The following LAMA2 variants were observed in gnomAD, a reference collection of about 807,000 sequenced individuals.
LAMA2 encodes laminin subunit alpha-2.
LAMA2 carries 269 observed loss-of-function variants against 364.8 expected under a neutral mutation model. The observed-to-expected ratio is 0.74, with a 90% CI of 0.67 to 0.82. LAMA2 has a LOEUF of 0.82. Among genes scored for constraint, LAMA2 ranks in the 40% least tolerant of loss-of-function variants. The pLI, the probability that LAMA2 is intolerant of heterozygous loss-of-function variation, is 0.00. For missense variants in LAMA2, 3,807 were observed against 3,873.2 expected (o/e 0.98, Z 0.45); for synonymous variants, 1,379 against 1,370.6 (o/e 1.01, Z -0.14).
At chr6:129,436,439 A>G (rs537511520) in intron 41 of LAMA2, among the ~76,000 whole-genome samples, 3 of 152,300 alleles carry the variant, frequency 2.0e-5, no homozygotes, top group African/African-American at 7.2e-5. Flanking sequence ...GTACCATTGT[A>G]TGAACATGCT....
intron 58 of LAMA2, among the ~76,000 whole-genome samples, chr6:129,502,423 TA>T (rs1785717177): frequency 6.6e-6 from 1 of 152,230 alleles, no homozygotes; most frequent in African/African-American, 2.4e-5. Flanking sequence ...AGTTAATCAA[TA>T]AATATGTCTG....
chr6:128,954,665 C>G (rs1241268984), intron 1 of LAMA2, among the ~76,000 whole-genome samples: 1 of 151,938 alleles, frequency 6.6e-6, no homozygotes, highest in Admixed American at 6.6e-5. Context: ...CAGCAAAGCT[C>G]TGTTATTCTT....
intron 2 of LAMA2, among the ~76,000 whole-genome samples, chr6:129,052,305 CTTTTTT>C (rs71272306): frequency 7.6e-6 from 1 of 131,270 alleles, no homozygotes. Flanking sequence ...CCGGCTAATT[CTTTTTT>C]TTTTTTTTTT....
At chr6:129,285,877 T>G (rs796921469) in intron 18 of LAMA2, among the ~76,000 whole-genome samples, 12 of 152,270 alleles carry the variant, frequency 7.9e-5, no homozygotes, top group African/African-American at 2.9e-4. Flanking sequence ...CTAAGCAGTA[T>G]TTATACAACT....
chr6:129,333,409 C>G (rs1033296859), intron 29 of LAMA2, among the ~76,000 whole-genome samples: 3 of 152,068 alleles, frequency 2.0e-5, no homozygotes, highest in African/African-American at 7.2e-5. Flanking sequence ...ACGAAAACTG[C>G]TTTCTATTCC....
chr6:128,883,244 C>G lies in LAMA2; in HGVS notation c.-2C>G, dbSNP rs893675588. The G allele has an allele frequency of 6.4e-7, 1 of 1,551,276 alleles. No homozygotes were observed. Among genetic ancestry groups the G allele is most frequent in the Non-Finnish European group, 8.7e-7 (1 of 1,148,210 alleles). On this transcript the variant is annotated 5_prime_UTR_variant, in exon 1 of 65. Coordinates refer to ENST00000421865, the MANE Select transcript of LAMA2 (RefSeq NM_000426.4). Reference sequence around the variant, plus strand: ...GAAGTGGATCCGGTCGCGGCCACTACGATGCCGGGAGCCGCCGGGGTCCTC... The same window carrying G: ...GAAGTGGATCCGGTCGCGGCCACTAGGATGCCGGGAGCCGCCGGGGTCCTC...
chr6:129,071,608 A>T (rs1365859010), intron 3 of LAMA2, among the ~76,000 whole-genome samples: 1 of 152,038 alleles, frequency 6.6e-6, no homozygotes, highest in Non-Finnish European at 1.5e-5. Context: ...ATTTTTCATT[A>T]TCATTTATTT....
chr6:129,149,135 C>G (rs769080432), intron 7 of LAMA2, 39 bp downstream of exon 7: 17 of 1,262,484 alleles, frequency 1.3e-5, no homozygotes, highest in Non-Finnish European at 1.9e-5. Context: ...GTCATTCTTC[C>G]TTTCCAAGAA....
At chr6:129,446,102 G>A (rs752843233) in intron 45 of LAMA2, among the ~76,000 whole-genome samples, 47 of 151,772 alleles carry the variant, frequency 3.1e-4, no homozygotes, top group Non-Finnish European at 6.2e-4. Context: ...AATACAAATA[G>A]CAAGAAAGAA....
intron 1 of LAMA2, among the ~76,000 whole-genome samples, chr6:129,009,800 A>G (rs1011316380): frequency 6.6e-6 from 1 of 152,180 alleles, no homozygotes; most frequent in Non-Finnish European, 1.5e-5. Context: ...GACCTTCCCT[A>G]TAAGTTTGAC....
At chr6:129,309,032 A>G (rs1250554367) in intron 22 of LAMA2, among the ~76,000 whole-genome samples, 1 of 152,206 alleles carries the variant, frequency 6.6e-6, no homozygotes, top group Non-Finnish European at 1.5e-5. Context: ...GGACATATCC[A>G]ACTGTATCAG....
chr6:129,132,918 A>G (rs1029895096), intron 4 of LAMA2, among the ~76,000 whole-genome samples: 1 of 152,236 alleles, frequency 6.6e-6, no homozygotes, highest in African/African-American at 2.4e-5. Flanking sequence ...TCACACAGAT[A>G]GTAAGTGGAG....
chr6:129,501,239 G>A (rs561313949), intron 58 of LAMA2, among the ~76,000 whole-genome samples: 4 of 152,120 alleles, frequency 2.6e-5, no homozygotes, highest in Non-Finnish European at 5.9e-5. Flanking sequence ...CTTTTTGCAG[G>A]CAGCGTAATA....
intron 29 of LAMA2, 77 bp from the exon 30 acceptor site, chr6:129,342,266 G>T (rs2114568012): frequency 1.6e-6 from 2 of 1,289,992 alleles, no homozygotes; most frequent in Non-Finnish European, 1.1e-6. Flanking sequence ...CACATTCATA[G>T]CTAGGGACTG....
At position 129,492,402 on chromosome 6, in the gene LAMA2, A is replaced by G. The variant is rs774200421; in HGVS notation, c.8163A>G (p.Gly2721=). The change falls in exon 58 of 65, where the codon GGA becomes GGG. Residue 2721 remains glycine, a synonymous_variant. Coordinates refer to ENST00000421865, the MANE Select transcript of LAMA2 (RefSeq NM_000426.4). ...AHQKLREDED[G]AAPAEIVIQP... ...AGAAACTCCGTGAAGATGAAGATGG[A>G]GCAGCTCCAGCTGAAATAGTTATCC... 1.9e-6 allele frequency: 3 copies of G among 1,614,040 alleles called. No individual in the cohort carries two copies. In the South Asian group the frequency reaches 3.3e-5, roughly 18 times the overall value.
At chr6:129,495,340 T>C (rs939577484) in intron 58 of LAMA2, among the ~76,000 whole-genome samples, 21 of 152,174 alleles carry the variant, frequency 1.4e-4, no homozygotes, top group African/African-American at 4.8e-4. Flanking sequence ...TTCTTTGTAT[T>C]ATCTCATTTC....
chr6:129,139,287 A>G lies in LAMA2; in HGVS notation c.640-4614A>G, dbSNP rs571417908. ...CACCTCGCTTCTTCAAACATGTACA[A>G]TCAGACCTCTGAATCTGTGGATTCC... On this transcript the variant is annotated intron_variant, in intron 4 of 64. Coordinates refer to ENST00000421865, the MANE Select transcript of LAMA2 (RefSeq NM_000426.4). 1.1e-4 allele frequency among the ~76,000 whole-genome samples: 17 copies of G among 152,164 alleles called. No individual in the cohort carries two copies. The South Asian group carries it at 3.3e-3, about 30-fold the overall frequency.
intron 1 of LAMA2, among the ~76,000 whole-genome samples, chr6:128,910,587 C>T (rs1777845078): frequency 1.3e-5 from 2 of 152,058 alleles, no homozygotes; most frequent in African/African-American, 2.4e-5. Flanking sequence ...TTTGAATGTC[C>T]TCCCGTAGCT....
intron 1 of LAMA2, among the ~76,000 whole-genome samples, chr6:129,031,583 G>T (rs1037287947): frequency 5.3e-5 from 8 of 152,124 alleles, no homozygotes; most frequent in Non-Finnish European, 1.0e-4. Context: ...CAGTGGTATG[G>T]GTTTAGAAAG....
Sources: allele counts gnomAD v4.1 joint callset (sites outside exome capture counted in the v4.1 genomes callset), GRCh38; gene constraint gnomAD v4.1.1; transcripts MANE v1.5; gene names NCBI Gene and HGNC (gene_info 2026-07-23, HGNC 2026-07-21).